The following SLC8A1 variants were observed in gnomAD, a reference collection of about 807,000 sequenced individuals.
The protein encoded by SLC8A1 is solute carrier family 8 member A1, also known as sodium/calcium exchanger 1.
In SLC8A1, 18 loss-of-function variants were observed where a neutral mutation model predicts 68.3. That is an observed-to-expected ratio of 0.26 (90% CI 0.18 to 0.39). SLC8A1 has a LOEUF of 0.39. SLC8A1 is among the 10% of genes least tolerant of loss of function. The pLI is 1.00. For missense variants in SLC8A1, 985 were observed against 1,156.7 expected (o/e 0.85, Z 2.15); for synonymous variants, 475 against 415.5 (o/e 1.14, Z -1.74).
At chr2:40,421,784 T>C (rs1435831713) in intron 2 of SLC8A1, among the ~76,000 whole-genome samples, 1 of 152,142 alleles carries the variant, frequency 6.6e-6, no homozygotes, top group Non-Finnish European at 1.5e-5. Context: ...TGAAAAAGAA[T>C]TGTTTATTTA....
chr2:40,154,478 T>C (rs1382918496), intron 6 of SLC8A1, among the ~76,000 whole-genome samples: 6 of 41,020 alleles, frequency 1.5e-4, no homozygotes, highest in Admixed American at 4.4e-4. Context: ...TAATTTTTTT[T>C]CTTTTCTTTT....
At chr2:40,379,504 T>C (rs1030373174) in intron 2 of SLC8A1, among the ~76,000 whole-genome samples, 5 of 152,120 alleles carry the variant, frequency 3.3e-5, no homozygotes, top group African/African-American at 4.8e-5. Context: ...CAAATGGTGC[T>C]TCTCAAAAGT....
intron 1 of SLC8A1, among the ~76,000 whole-genome samples, chr2:40,471,520 G>A (rs1270199457): frequency 6.6e-6 from 1 of 152,090 alleles, no homozygotes; most frequent in Non-Finnish European, 1.5e-5. Context: ...TCCCACCCCT[G>A]ATCCTATGGA....
intron 2 of SLC8A1, among the ~76,000 whole-genome samples, chr2:40,183,993 G>GA (rs752886598): frequency 3.3e-5 from 5 of 151,912 alleles, no homozygotes; most frequent in Non-Finnish European, 5.9e-5. Flanking sequence ...CTGTTTCTAC[G>GA]AAAAATCAAA....
chr2:40,464,676 A>C (rs371968640), intron 1 of SLC8A1, among the ~76,000 whole-genome samples: 4 of 152,178 alleles, frequency 2.6e-5, no homozygotes, highest in African/African-American at 9.6e-5. Context: ...CAGTCTGAGA[A>C]GTGGGGATGT....
At chr2:40,230,206 G>C (rs1205527901) in intron 2 of SLC8A1, among the ~76,000 whole-genome samples, 1 of 152,118 alleles carries the variant, frequency 6.6e-6, no homozygotes, top group Non-Finnish European at 1.5e-5. Flanking sequence ...AAACATTACA[G>C]GTTACTCTAA....
intron 4 of SLC8A1, among the ~76,000 whole-genome samples, chr2:40,173,505 C>G (rs1397822614): frequency 6.6e-6 from 1 of 152,136 alleles, no homozygotes; most frequent in Non-Finnish European, 1.5e-5. Context: ...TAGAGAGAAG[C>G]AGTGGAGAGC....
intron 2 of SLC8A1, among the ~76,000 whole-genome samples, chr2:40,245,882 G>A (rs941497034): frequency 6.6e-6 from 1 of 152,026 alleles, no homozygotes; most frequent in African/African-American, 2.4e-5. Flanking sequence ...ACTTTCATTC[G>A]AGACTCATTT....
chr2:40,220,960 G>A (rs916980309), intron 2 of SLC8A1, among the ~76,000 whole-genome samples: 6 of 151,974 alleles, frequency 3.9e-5, no homozygotes, highest in African/African-American at 1.5e-4. Flanking sequence ...AAGAGGAGCT[G>A]GTACCATCAC....
At chr2:40,121,493 T>C (rs899391501) in intron 7 of SLC8A1, among the ~76,000 whole-genome samples, 8 of 152,202 alleles carry the variant, frequency 5.3e-5, no homozygotes, top group African/African-American at 1.7e-4. Flanking sequence ...GGCTGCTTAA[T>C]TGTAGCTTCT....
At chr2:40,426,022 G>T (rs1008047756) in intron 2 of SLC8A1, among the ~76,000 whole-genome samples, 1 of 151,846 alleles carries the variant, frequency 6.6e-6, no homozygotes, top group African/African-American at 2.4e-5. Context: ...TTGAATCTTG[G>T]TGCTTAATTT....
At chr2:40,417,895 A>ACACACACACACACACACACAC (rs1559598725) in intron 2 of SLC8A1, among the ~76,000 whole-genome samples, 2 of 151,868 alleles carry the variant, frequency 1.3e-5, no homozygotes, top group South Asian at 2.1e-4. Context: ...ACACACACAC[A>ACACACACACACACACACACAC]AGGTAAACGC....
At chr2:40,129,973 T>C (rs1292272659) in intron 7 of SLC8A1, among the ~76,000 whole-genome samples, 1 of 152,198 alleles carries the variant, frequency 6.6e-6, no homozygotes, top group Middle Eastern at 3.2e-3. Context: ...TGAGCATCCC[T>C]GCTCCCTGGA....
intron 2 of SLC8A1, among the ~76,000 whole-genome samples, chr2:40,243,927 A>C (rs2061520422): frequency 6.6e-6 from 1 of 152,286 alleles, no homozygotes; most frequent in African/African-American, 2.4e-5. Context: ...TTGAAACTGG[A>C]GCAACGTAAG....
At chr2:40,374,524 T>C (rs1679185012) in intron 2 of SLC8A1, among the ~76,000 whole-genome samples, 1 of 152,000 alleles carries the variant, frequency 6.6e-6, no homozygotes, top group East Asian at 1.9e-4. Context: ...AGGGGTGACT[T>C]GATTACAGCA....
At chr2:40,404,185 G>A (rs192685506) in intron 2 of SLC8A1, among the ~76,000 whole-genome samples, 1 of 152,230 alleles carries the variant, frequency 6.6e-6, no homozygotes, top group East Asian at 1.9e-4. Flanking sequence ...TTCAGCCACT[G>A]CACCCAGCCT....
At chr2:40,251,712 G>C (rs1347781844) in intron 2 of SLC8A1, 1 of 152,218 alleles carries the variant, frequency 6.6e-6, no homozygotes, top group African/African-American at 2.4e-5. Context: ...AGCTGGGAGA[G>C]AGGGTCAACA....
At chr2:40,407,561 C>G (rs569409577) in intron 2 of SLC8A1, among the ~76,000 whole-genome samples, 1 of 152,166 alleles carries the variant, frequency 6.6e-6, no homozygotes, top group Non-Finnish European at 1.5e-5. Flanking sequence ...CAGTGAACAG[C>G]CTTTCCTTCC....
intron 2 of SLC8A1, among the ~76,000 whole-genome samples, chr2:40,368,081 C>T (rs903182395): frequency 6.6e-6 from 1 of 152,034 alleles, no homozygotes; most frequent in Non-Finnish European, 1.5e-5. Flanking sequence ...TTTTTGTGAT[C>T]TGTAGCTCTG....
Sources: gnomAD v4.1 joint callset for allele counts (sites outside exome capture counted in the v4.1 genomes callset) on GRCh38, gnomAD v4.1.1 for gene constraint, MANE v1.5 for transcripts, NCBI Gene and HGNC (gene_info 2026-07-23, HGNC 2026-07-21) for gene names.